The following CAMK2G variants were observed in gnomAD, a reference collection of about 807,000 sequenced individuals.
The protein encoded by CAMK2G is calcium/calmodulin-dependent protein kinase type II subunit gamma.
A neutral mutation model predicts 88.7 loss-of-function variants in CAMK2G; 23 were observed. The ratio of observed to expected loss-of-function variants is 0.26; its 90% CI spans 0.19 to 0.37. CAMK2G has a LOEUF of 0.37. CAMK2G is among the 10% of genes least tolerant of loss of function. The probability of loss-of-function intolerance (pLI) is 1.00; values close to 1 mark genes in which losing one functional copy is unlikely to be tolerated. For missense variants in CAMK2G, 476 were observed against 780.8 expected, an observed-to-expected ratio of 0.61 and a Z score of 4.65; for synonymous variants, 263 against 294.8, an observed-to-expected ratio of 0.89 and a Z score of 1.11.
At chr10:73,861,915 G>A (rs1185618316) in intron 2 of CAMK2G, among the ~76,000 whole-genome samples, 1 of 152,158 alleles carries the variant, frequency 6.6e-6, no homozygotes, top group Non-Finnish European at 1.5e-5. Context: ...ACAACTCTAG[G>A]AGGTTGGCAT....
rs1454001950 is a variant in CAMK2G, at chr10:73,815,372, C to G, written c.1535-125G>C. The G allele has an allele frequency of 2.1e-5, 14 of 655,184 alleles. No individual in the cohort carries two copies. In the Middle Eastern group the frequency reaches 1.1e-3, roughly 49 times the overall value. The allele number at this position is 655,184 out of a possible 1,614,324, so 40.6% of individuals were successfully genotyped here. A position where few individuals can be genotyped will look rare whatever the true frequency, so the allele number is the denominator to read the frequency against. Reference sequence around the variant, plus strand: ...ACTCCCAGAATCTCCAAGTACCGCCCCCCCCCACCCCCGAACCCCTGAACG... The same window carrying G: ...ACTCCCAGAATCTCCAAGTACCGCCGCCCCCCACCCCCGAACCCCTGAACG... On this transcript the variant is annotated intron_variant, in intron 21 of 22. Coordinates refer to ENST00000423381, the MANE Select transcript of CAMK2G (RefSeq NM_001367534.1).
chr10:73,843,952 C>T (rs914938664), intron 10 of CAMK2G, among the ~76,000 whole-genome samples: 9 of 152,288 alleles, frequency 5.9e-5, no homozygotes, highest in Admixed American at 5.9e-4. Flanking sequence ...CCGGGATGGA[C>T]CCCCTGCCCT....
Position 73,842,444 on chromosome 10 carries a change from G to T in CAMK2G, c.903+14C>A. On this transcript the variant is annotated intron_variant, in intron 11 of 22. Transcript: ENST00000423381. The surrounding 1 kb of genome is among the most constrained non-coding windows in gnomAD (Gnocchi z 4.6). Reference sequence around the variant, plus strand: ...TGATGTCAAGGAGGCTGGCAGCCTAGAAACGACACTCACCTTCAGTTTTCT... The same window carrying T: ...TGATGTCAAGGAGGCTGGCAGCCTATAAACGACACTCACCTTCAGTTTTCT... 1.3e-6 allele frequency: 2 copies of T among 1,597,424 alleles called. No homozygotes were observed. Among genetic ancestry groups the T allele is most frequent in the Non-Finnish European group, 1.7e-6 (2 of 1,164,740 alleles).
intron 22 of CAMK2G, 97 bp downstream of exon 22, chr10:73,814,906 C>T (rs2084923386): frequency 1.2e-6 from 1 of 805,762 alleles, no homozygotes; most frequent in African/African-American, 1.7e-5. Context: ...ACGGCCCACA[C>T]CTCCTCTCCC....
intron 2 of CAMK2G, among the ~76,000 whole-genome samples, chr10:73,872,666 A>C (rs899583644): frequency 1.3e-5 from 2 of 152,144 alleles, no homozygotes; most frequent in Non-Finnish European, 2.9e-5. Flanking sequence ...AGAGGCTCCA[A>C]ATGCCCCAAA....
chr10:73,842,641 A>T lies in CAMK2G; in HGVS notation c.820-100T>A. ...ATGCCCAGGACAGGGTCATGCACTC[A>T]GCCACCCCAGAGTTGCTCTGAAGAT... On this transcript the variant is annotated intron_variant, in intron 10 of 22. Coordinates refer to ENST00000423381, the MANE Select transcript of CAMK2G (RefSeq NM_001367534.1). This position sits in a 1 kb window ranked among gnomAD's most constrained non-coding sequence, Gnocchi z 4.6. The T allele has an allele frequency of 1.2e-6, 1 of 808,568 alleles. No individual in the cohort carries two copies. The highest frequency in any genetic ancestry group is 2.1e-6 in the Non-Finnish European group (1 of 473,294). The allele number at this position is 808,568 out of a possible 1,614,324, so 50.1% of individuals were successfully genotyped here.
At chr10:73,836,257 C>T (rs932931139) in intron 14 of CAMK2G, among the ~76,000 whole-genome samples, 17 of 152,180 alleles carry the variant, frequency 1.1e-4, no homozygotes, top group African/African-American at 2.7e-4. Flanking sequence ...AACCATCTCG[C>T]GTGGGTCCAC....
At chr10:73,830,905 G>A (rs1403264141) in intron 14 of CAMK2G, among the ~76,000 whole-genome samples, 1 of 152,218 alleles carries the variant, frequency 6.6e-6, no homozygotes, top group Non-Finnish European at 1.5e-5. Flanking sequence ...GGACACTTAA[G>A]CAGTAGGAAT....
chr10:73,815,360 C>T lies in CAMK2G; in HGVS notation c.1535-113G>A, dbSNP rs1047781165. 1.1e-5 allele frequency: 8 copies of T among 713,164 alleles called. No individual in the cohort carries two copies. In the African/African-American group the frequency reaches 1.1e-4, roughly 10 times the overall value. 44.2% of individuals were successfully genotyped at this position (713,164 alleles called of 1,614,324 possible). On this transcript the variant is annotated intron_variant, in intron 21 of 22. Coordinates refer to ENST00000423381, the MANE Select transcript of CAMK2G (RefSeq NM_001367534.1). ...TCCCAAGCAACCACTCCCAGAATCT[C>T]CAAGTACCGCCCCCCCCCACCCCCG...
rs2084575230 is a variant in CAMK2G at position 73,813,098 on chromosome 10, T to G, written c.*1420A>C. ...TGCAGATAAATCTGCAGCGTTGTTT[T>G]GAGGGAAACCAAGGCCATGACCAAT... On this transcript the variant is annotated 3_prime_UTR_variant, in exon 23 of 23. Coordinates refer to ENST00000423381, the MANE Select transcript of CAMK2G (RefSeq NM_001367534.1). 6.5e-6 allele frequency: 1 copy of G among 152,730 alleles called. No individual in the cohort carries two copies. Among genetic ancestry groups the G allele is most frequent in the Non-Finnish European group, 1.5e-5 (1 of 68,072 alleles). 9.5% of individuals were successfully genotyped at this position (152,730 alleles called of 1,614,324 possible). A position where few individuals can be genotyped will look rare whatever the true frequency, so the allele number is the denominator to read the frequency against.
At chr10:73,840,265 G>C (rs2093670900) in intron 12 of CAMK2G, among the ~76,000 whole-genome samples, 1 of 152,212 alleles carries the variant, frequency 6.6e-6, no homozygotes, top group Non-Finnish European at 1.5e-5. Context: ...TAAACCCTGA[G>C]AAAGAAAACA....
chr10:73,873,009 G>T lies in CAMK2G; in HGVS notation c.140C>A (p.Thr47Asn). ...CTCACCCCGGGCAGACAACTTCTTG[G>T]TATTGATGATTTTTGCTGCGTACTC... ...TQEYAAKIIN[T>N]KKLSARDHQK... The change falls in exon 2 of 23, where the codon ACC (threonine) becomes AAC (asparagine). Residue 47 changes from threonine (T) to asparagine (N), a missense_variant. Physicochemically the swap from Thr to Asn is moderately conservative, Grantham distance 65. Around this residue, in one of 3 missense-constraint regions of CAMK2G, gnomAD observed 164 missense variants for 385.6 expected, o/e 0.43. Coordinates refer to ENST00000423381, the MANE Select transcript of CAMK2G (RefSeq NM_001367534.1). 1 of 1,611,908 alleles carries T rather than the reference G, an allele frequency of 6.2e-7. No individual in the cohort carries two copies. Among genetic ancestry groups the T allele is most frequent in the Non-Finnish European group, 8.5e-7 (1 of 1,178,054 alleles).
chr10:73,829,266 T>TTTATTTATTTA (rs2091898263), intron 14 of CAMK2G, among the ~76,000 whole-genome samples: 1 of 140,982 alleles, frequency 7.1e-6, no homozygotes, highest in Non-Finnish European at 1.5e-5. Flanking sequence ...TACATTGGCC[T>TTTATTTATTTA]TTTATTTATT....
intron 14 of CAMK2G, among the ~76,000 whole-genome samples, chr10:73,831,587 A>G (rs1213541870): frequency 1.3e-5 from 2 of 149,698 alleles, no homozygotes; most frequent in African/African-American, 4.9e-5. Context: ...ATATCATTAT[A>G]GGCCAGGCGT....
At chr10:73,854,644 C>G (rs1344525483) in intron 3 of CAMK2G, among the ~76,000 whole-genome samples, 1 of 152,166 alleles carries the variant, frequency 6.6e-6, no homozygotes, top group Admixed American at 6.5e-5. Context: ...CCTGGGTGGG[C>G]CCTGGCTGCT....
intron 19 of CAMK2G, 62 bp downstream of exon 19, chr10:73,819,470 C>T: frequency 6.7e-6 from 8 of 1,194,024 alleles, no homozygotes; most frequent in Non-Finnish European, 9.7e-6. Flanking sequence ...GGTGGGGGTC[C>T]CTGAGGGGCT....
intron 10 of CAMK2G, among the ~76,000 whole-genome samples, chr10:73,845,438 C>T (rs1483180760): frequency 7.9e-5 from 12 of 151,840 alleles, no homozygotes; most frequent in Non-Finnish European, 1.2e-4. Flanking sequence ...AAAAATTAGC[C>T]GGGCGTGGTG....
chr10:73,843,562 T>C (rs2093984575), intron 10 of CAMK2G, among the ~76,000 whole-genome samples: 1 of 152,020 alleles, frequency 6.6e-6, no homozygotes, highest in Admixed American at 6.6e-5. Flanking sequence ...CCTGCAAAAA[T>C]GACCCCAGAA....
chr10:73,821,714 C>T lies in CAMK2G; in HGVS notation c.1217G>A (p.Cys406Tyr). 6.2e-6 allele frequency: 10 copies of T among 1,611,766 alleles called. No individual in the cohort carries two copies. The highest frequency in any genetic ancestry group is 8.5e-6 in the Non-Finnish European group (10 of 1,178,958). Residue 406 changes from cysteine (C) to tyrosine (Y), a missense_variant, in exon 18 of 23, where the codon TGC becomes TAC. This residue lies in a region of CAMK2G where 278 missense variants were observed against 366.5 expected (regional missense o/e 0.76). Transcript: ENST00000423381. Reference sequence around the variant, plus strand: ...GTCCTCATCTTCTGTGGTGGTGTTGCAGCTCTCTGTGGAGCCCTGTAGGCC... The same window carrying T: ...GTCCTCATCTTCTGTGGTGGTGTTGTAGCTCTCTGTGGAGCCCTGTAGGCC... ...TDGIKGSTES[C>Y]NTTTEDEDLK...
Sources: allele counts gnomAD v4.1 joint callset (sites outside exome capture counted in the v4.1 genomes callset), GRCh38; gene constraint gnomAD v4.1.1; regional missense constraint gnomAD v4.1.1; non-coding constraint Gnocchi (gnomAD v3.1); transcripts MANE v1.5; gene names NCBI Gene and HGNC (gene_info 2026-07-23, HGNC 2026-07-21).